The following NHS variants were observed in gnomAD, a reference collection of about 807,000 sequenced individuals.
NHS encodes actin remodeling regulator NHS.
NHS carries 5 observed loss-of-function variants against 72.5 expected under a neutral mutation model. The observed-to-expected ratio is 0.07, with a 90% CI of 0.04 to 0.14. The LOEUF is 0.14. Among genes scored for constraint, NHS ranks in the 10% least tolerant of loss-of-function variants. NHS has a pLI of 1.00. For missense variants in NHS, 1,072 were observed against 1,355.7 expected (o/e 0.79, Z 3.29); for synonymous variants, 464 against 547.7 (o/e 0.85, Z 2.13).
In NHS at chrX:17,506,609, G is replaced by T. The variant is rs776028496; in HGVS notation, c.565+130287G>T. Among the ~76,000 whole-genome samples the T allele has an allele frequency of 7.5e-4, 84 of 111,290 alleles. 1 individual carries two copies. Among genetic ancestry groups the T allele is most frequent in the Non-Finnish European group, 1.5e-3 (79 of 53,112 alleles). The stretch of plus-strand genomic sequence containing the variant: ...TGCACTTGTCCTGATGGTACTGAGA[G>T]ACTTCAGGGACTTAGAATCTTTGCC... On this transcript the variant is annotated intron_variant, in intron 1 of 8. Coordinates refer to ENST00000676302, the MANE Select transcript of NHS (RefSeq NM_001291867.2).
chrX:17,645,321 T>C (rs969890924), intron 1 of NHS, among the ~76,000 whole-genome samples: 1 of 112,055 alleles, frequency 8.9e-6, no homozygotes, highest in African/African-American at 3.2e-5. Context: ...TAAGCCTTGA[T>C]GGAAAAACCT....
chrX:17,695,781 C>T (rs752172857), intron 3 of NHS, among the ~76,000 whole-genome samples: 1 of 111,163 alleles, frequency 9.0e-6, no homozygotes, highest in South Asian at 3.8e-4. Context: ...AGGGGGAACT[C>T]ACAGGAAACA....
chrX:17,680,860 C>T (rs2066124248), intron 1 of NHS, among the ~76,000 whole-genome samples: 1 of 112,327 alleles, frequency 8.9e-6, no homozygotes, highest in African/African-American at 3.2e-5. Flanking sequence ...TGACAGATGA[C>T]TATGTGCTTA....
At chrX:17,489,018 A>G (rs1407409212) in intron 1 of NHS, among the ~76,000 whole-genome samples, 1 of 110,973 alleles carries the variant, frequency 9.0e-6, no homozygotes, top group Non-Finnish European at 1.9e-5. Context: ...TTCAACTCCT[A>G]CTTATGAGTG....
At chrX:17,654,966 C>A (rs1460672488) in intron 1 of NHS, among the ~76,000 whole-genome samples, 2 of 112,152 alleles carry the variant, frequency 1.8e-5, no homozygotes, top group Non-Finnish European at 3.8e-5. Context: ...TTTAGTAAAT[C>A]GCCGCTCCCT....
chrX:17,580,974 A>G (rs1214660041), intron 1 of NHS, among the ~76,000 whole-genome samples: 1 of 112,024 alleles, frequency 8.9e-6, no homozygotes, highest in Non-Finnish European at 1.9e-5. Flanking sequence ...GTTGGAGAGT[A>G]TGCCTCGTTC....
intron 1 of NHS, among the ~76,000 whole-genome samples, chrX:17,673,610 C>G (rs1441129546): frequency 9.0e-6 from 1 of 111,532 alleles, no homozygotes; most frequent in Non-Finnish European, 1.9e-5. Context: ...CATGGACATG[C>G]TCACTAAGTC....
chrX:17,578,932 C>T (rs2065526771), intron 1 of NHS, among the ~76,000 whole-genome samples: 1 of 111,453 alleles, frequency 9.0e-6, no homozygotes, highest in Non-Finnish European at 1.9e-5. Flanking sequence ...CACCCCCTGA[C>T]TCTGTGCGCA....
At chrX:17,520,205 C>T (rs1012768282) in intron 1 of NHS, among the ~76,000 whole-genome samples, 4 of 111,942 alleles carry the variant, frequency 3.6e-5, no homozygotes, top group African/African-American at 9.8e-5. Flanking sequence ...AAGGATTAGG[C>T]GAGATAACCA....
Position 17,728,771 on chromosome X carries a change from C to T in NHS, c.4345C>T (p.His1449Tyr). 1 of 1,211,539 alleles carries T rather than the reference C, an allele frequency of 8.3e-7. No individual in the cohort carries two copies. The highest frequency in any genetic ancestry group is 1.1e-6 in the Non-Finnish European group (1 of 895,335). The change falls in exon 8 of 9, where the codon CAC (histidine) becomes TAC (tyrosine). Residue 1449 changes from histidine to tyrosine, a missense_variant. Transcript: ENST00000676302. ...RTTEDLFAVI[H>Y]RSKRKVLGRK... is the part of the protein sequence containing the mutation. ...AACTGAGGATTTATTTGCAGTCATTCACAGGTGAGGCAACATTACCAAGTC... is the reference window on the plus strand; with the variant it reads ...AACTGAGGATTTATTTGCAGTCATTTACAGGTGAGGCAACATTACCAAGTC...
At chrX:17,607,463 A>G (rs1414966984) in intron 1 of NHS, among the ~76,000 whole-genome samples, 1 of 111,547 alleles carries the variant, frequency 9.0e-6, no homozygotes, top group Non-Finnish European at 1.9e-5. Flanking sequence ...GAGACTCAGG[A>G]ATAGGAAAAT....
Position 17,727,510 on chromosome X carries a change from C to G in NHS, c.3404C>G (p.Pro1135Arg), listed in dbSNP as rs1453724110. 8.3e-7 allele frequency: 1 copy of G among 1,211,472 alleles called. No homozygotes were observed. The highest frequency in any genetic ancestry group is 2.2e-5 in the Admixed American group (1 of 46,038). The change falls in exon 7 of 9, where the codon CCA becomes CGA. Residue 1135 changes from proline to arginine, a missense_variant. Pro to Arg is a moderately radical substitution (Grantham distance 103, BLOSUM62 -2). Coordinates refer to ENST00000676302, the MANE Select transcript of NHS (RefSeq NM_001291867.2). ...SNPPPSLAIT[P>R]TILKSVNLRS... Reference sequence around the variant, plus strand: ...CCTCCACCGTCCCTTGCAATTACACCAACGATCCTGAAATCTGTTAACCTT... The same window carrying G: ...CCTCCACCGTCCCTTGCAATTACACGAACGATCCTGAAATCTGTTAACCTT...
At chrX:17,483,138 C>A (rs1030903728) in intron 1 of NHS, among the ~76,000 whole-genome samples, 1 of 112,199 alleles carries the variant, frequency 8.9e-6, no homozygotes, top group Admixed American at 9.4e-5. Context: ...TGAAATATGG[C>A]AATCTAGTGA....
At chrX:17,452,053 A>G (rs976566833) in intron 1 of NHS, among the ~76,000 whole-genome samples, 2 of 111,817 alleles carry the variant, frequency 1.8e-5, no homozygotes, top group Non-Finnish European at 3.8e-5. Flanking sequence ...GTGCCAAGCC[A>G]TGGGAATCCA....
intron 1 of NHS, among the ~76,000 whole-genome samples, chrX:17,549,561 A>G (rs2065318537): frequency 8.9e-6 from 1 of 112,015 alleles, no homozygotes; most frequent in African/African-American, 3.2e-5. Flanking sequence ...CATTACAGCC[A>G]GCTTTTCACA....
rs140514247 is a variant in NHS at position 17,574,639 on chromosome X, G to A, written c.566-113103G>A. On this transcript the variant is annotated intron_variant, in intron 1 of 8. Transcript: ENST00000676302. ...CTTGGCTAGGAGAGGGAAATCCCCC[G>A]ACCCCTTGTGCTTCCTAGGTGAGGC... Among the ~76,000 whole-genome samples the A allele has an allele frequency of 2.7e-4, 30 of 112,051 alleles. No individual in the cohort carries two copies. In the East Asian group the frequency reaches 5.7e-3, roughly 21 times the overall value.
At chrX:17,614,164 T>C (rs186653260) in intron 1 of NHS, among the ~76,000 whole-genome samples, 15 of 111,530 alleles carry the variant, frequency 1.3e-4, no homozygotes, top group Admixed American at 1.1e-3. Context: ...AGAGGATGAG[T>C]GATAGCTATA....
At chrX:17,393,944 G>A (rs752509420) in intron 1 of NHS, among the ~76,000 whole-genome samples, 1 of 111,622 alleles carries the variant, frequency 9.0e-6, no homozygotes, top group African/African-American at 3.3e-5. Context: ...CATAGGCTCA[G>A]TTTCCCTGAC....
intron 1 of NHS, among the ~76,000 whole-genome samples, chrX:17,486,415 G>A (rs1326989020): frequency 8.9e-6 from 1 of 111,859 alleles, no homozygotes; most frequent in African/African-American, 3.3e-5. Flanking sequence ...CCATGGTGAC[G>A]CTGCTTCAAG....
Sources: gnomAD v4.1 joint callset for allele counts (sites outside exome capture counted in the v4.1 genomes callset) on GRCh38, gnomAD v4.1.1 for gene constraint, MANE v1.5 for transcripts, NCBI Gene and HGNC (gene_info 2026-07-23, HGNC 2026-07-21) for gene names.